The following OSBPL9 variants were observed in gnomAD, a reference collection of about 807,000 sequenced individuals.
OSBPL9 encodes oxysterol binding protein like 9, also known as oxysterol-binding protein-related protein 9.
A neutral mutation model predicts 106.6 loss-of-function variants in OSBPL9; 40 were observed. The observed-to-expected ratio is 0.38, with a 90% CI of 0.29 to 0.49. The LOEUF (loss-of-function observed/expected upper bound fraction) is 0.49. Among genes scored for constraint, OSBPL9 ranks in the 20% least tolerant of loss-of-function variants. OSBPL9 has a pLI of 0.97. For missense variants in OSBPL9, 609 were observed against 887.2 expected (o/e 0.69, Z 3.98); for synonymous variants, 269 against 295.4 (o/e 0.91, Z 0.92).
chr1:51,780,203 TAA>T (rs78426387), intron 15 of OSBPL9, among the ~76,000 whole-genome samples: 1,814 of 142,068 alleles, frequency 0.013, 9 homozygotes, highest in African/African-American at 0.023. Context: ...ATGGCCATAT[TAA>T]AAAAAAAAAA....
At chr1:51,571,618 G>A in the OSBPL9 span, among the ~76,000 whole-genome samples, 136 of 152,092 alleles carry the variant, frequency 8.9e-4, 1 homozygote, top group Non-Finnish European at 1.1e-3. Context: ...AGTGAGCTAC[G>A]ATCACACCAT....
intron 9 of OSBPL9, chr1:51,759,638 A>G (rs1434011404): frequency 6.6e-6 from 1 of 152,182 alleles, no homozygotes; most frequent in Admixed American, 6.5e-5. Flanking sequence ...TAAATGGTAA[A>G]TGTAAACTTT....
At chr1:51,746,004 C>G (rs1667899177) in intron 5 of OSBPL9, among the ~76,000 whole-genome samples, 1 of 152,132 alleles carries the variant, frequency 6.6e-6, no homozygotes, top group African/African-American at 2.4e-5. Flanking sequence ...CTCTGTCACC[C>G]AGGCTGGAGT....
intron 10 of OSBPL9, among the ~76,000 whole-genome samples, chr1:51,761,379 T>C (rs1671471696): frequency 1.3e-5 from 2 of 152,192 alleles, no homozygotes; most frequent in African/African-American, 4.8e-5. Flanking sequence ...CCAACATTTC[T>C]ATGTTCTCGA....
At chr1:51,717,111 A>G (rs1661214538) in intron 4 of OSBPL9, among the ~76,000 whole-genome samples, 3 of 152,018 alleles carry the variant, frequency 2.0e-5, no homozygotes. Context: ...GACTACAGGC[A>G]TGCACCACCA....
At chr1:51,730,086 TGTC>T in intron 4 of OSBPL9, 1 of 1,262,928 alleles carries the variant, frequency 7.9e-7, no homozygotes, top group Middle Eastern at 2.6e-4. Flanking sequence ...GGAGCGCGAA[TGTC>T]GTGCTCACCC....
intron 12 of OSBPL9, among the ~76,000 whole-genome samples, chr1:51,768,746 T>C (rs545891171): frequency 6.6e-6 from 1 of 152,348 alleles, no homozygotes; most frequent in East Asian, 1.9e-4. Context: ...GTACCTGTAA[T>C]AGGCAGGTCT....
At chr1:51,540,789 T>A in the OSBPL9 span, among the ~76,000 whole-genome samples, 2 of 151,056 alleles carry the variant, frequency 1.3e-5, no homozygotes, top group Non-Finnish European at 2.9e-5. Context: ...TGAAACCCCG[T>A]CTCTACTAAA....
chr1:51,711,405 G>A (rs983734764), intron 3 of OSBPL9, among the ~76,000 whole-genome samples: 4 of 147,608 alleles, frequency 2.7e-5, no homozygotes, highest in Non-Finnish European at 4.5e-5. Context: ...TCCCAGTAGG[G>A]GCGGCCGGGT....
chr1:51,757,791 A>G (rs981215574), intron 9 of OSBPL9, among the ~76,000 whole-genome samples: 4 of 152,110 alleles, frequency 2.6e-5, no homozygotes, highest in Non-Finnish European at 5.9e-5. Context: ...ACCTTGGCAA[A>G]TTACTTAACC....
intron 12 of OSBPL9, 37 bp downstream of exon 12, chr1:51,766,018 T>C: frequency 2.0e-6 from 3 of 1,523,660 alleles, no homozygotes; most frequent in Non-Finnish European, 2.7e-6. Flanking sequence ...TAAATGATTC[T>C]CCTGATTTTT....
At chr1:51,535,917 A>G in the OSBPL9 span, among the ~76,000 whole-genome samples, 5 of 152,162 alleles carry the variant, frequency 3.3e-5, no homozygotes, top group African/African-American at 1.2e-4. Flanking sequence ...AAACTTGCAG[A>G]AGAGCTGCAG....
chr1:51,562,984 G>A, the OSBPL9 span, among the ~76,000 whole-genome samples: 1 of 152,256 alleles, frequency 6.6e-6, no homozygotes, highest in Non-Finnish European at 1.5e-5. Context: ...AAAGGCAGGC[G>A]GATCGCTTGA....
the OSBPL9 span, among the ~76,000 whole-genome samples, chr1:51,547,490 G>A: frequency 6.6e-6 from 1 of 152,020 alleles, no homozygotes; most frequent in East Asian, 1.9e-4. Context: ...AAAAATAACA[G>A]ACACTTTAAA....
At chr1:51,747,553 CTTTTTTTTTTT>C (rs746109312) in intron 6 of OSBPL9, among the ~76,000 whole-genome samples, 3 of 42,384 alleles carry the variant, frequency 7.1e-5, no homozygotes, top group African/African-American at 2.6e-4. Flanking sequence ...CTCTCCTTGG[CTTTTTTTTTTT>C]TTTTTTTTTT....
intron 3 of OSBPL9, among the ~76,000 whole-genome samples, chr1:51,686,718 C>G (rs1385920101): frequency 6.6e-6 from 1 of 152,186 alleles, no homozygotes; most frequent in Admixed American, 6.5e-5. Context: ...GTTTGGAAAC[C>G]TGGCCAGAGA....
At chr1:51,735,345 C>T (rs933513469) in intron 4 of OSBPL9, among the ~76,000 whole-genome samples, 5 of 152,200 alleles carry the variant, frequency 3.3e-5, no homozygotes, top group Non-Finnish European at 7.3e-5. Context: ...TAGCCCTACT[C>T]TCACTTCTGT....
intron 1 of OSBPL9, among the ~76,000 whole-genome samples, chr1:51,577,611 C>T (rs1645193833): frequency 6.6e-6 from 1 of 152,030 alleles, no homozygotes; most frequent in African/African-American, 2.4e-5. Context: ...GCAAGAATGG[C>T]GTAATACATT....
rs979900502 is a variant in OSBPL9 at position 51,590,285 on chromosome 1, T to C, written c.-422-7839T>C. On this transcript the variant is annotated intron_variant, in intron 1 of 25. Coordinates refer to the OSBPL9 transcript ENST00000371714. ...CTGCAGTAGTCCACCTGAGAGATGATAGTGGCTTGGGCTAGGTCGGTAGCA... is the reference window on the plus strand; with the variant it reads ...CTGCAGTAGTCCACCTGAGAGATGACAGTGGCTTGGGCTAGGTCGGTAGCA... Among the ~76,000 whole-genome samples the C allele has an allele frequency of 1.3e-4, 19 of 151,700 alleles. No individual in the cohort carries two copies. The East Asian group carries it at 2.3e-3, about 19-fold the overall frequency.
Sources: allele counts gnomAD v4.1 joint callset (sites outside exome capture counted in the v4.1 genomes callset), GRCh38; gene constraint gnomAD v4.1.1; transcripts MANE v1.5; gene names NCBI Gene and HGNC (gene_info 2026-07-23, HGNC 2026-07-21).